The following SCHIP1 variants were observed in gnomAD, a reference collection of about 807,000 sequenced individuals.
The protein encoded by SCHIP1 is schwannomin-interacting protein 1.
A neutral mutation model predicts 29.7 loss-of-function variants in SCHIP1; 8 were observed. The observed-to-expected ratio is 0.27, with a 90% CI of 0.16 to 0.49. The LOEUF (loss-of-function observed/expected upper bound fraction) is 0.49. SCHIP1 is among the 20% of genes least tolerant of loss of function. SCHIP1 has a pLI of 0.99. For synonymous variants in SCHIP1, 76 were observed against 94.9 expected, an observed-to-expected ratio of 0.80 and a Z score of 1.16; for missense variants, 193 against 294.6, an observed-to-expected ratio of 0.66 and a Z score of 2.52.
chr3:159,543,504 T>G, the SCHIP1 span, among the ~76,000 whole-genome samples: 3 of 151,142 alleles, frequency 2.0e-5, no homozygotes, highest in African/African-American at 4.9e-5. Context: ...TACTGAGAAT[T>G]ATGATTTCCA....
chr3:159,797,948 G>T, the SCHIP1 span, among the ~76,000 whole-genome samples: 1 of 152,188 alleles, frequency 6.6e-6, no homozygotes, highest in East Asian at 1.9e-4. Context: ...CTTTGCAAAG[G>T]TTAAAGCAGA....
At chr3:159,885,547 TTC>T (rs1716879231) in intron 2 of SCHIP1, among the ~76,000 whole-genome samples, 1 of 152,102 alleles carries the variant, frequency 6.6e-6, no homozygotes, top group Non-Finnish European at 1.5e-5. Context: ...GTCCCTGAGG[TTC>T]TGTGTGCAGG....
the SCHIP1 span, among the ~76,000 whole-genome samples, chr3:159,604,381 G>A: frequency 6.6e-6 from 1 of 152,142 alleles, no homozygotes; most frequent in Non-Finnish European, 1.5e-5. Flanking sequence ...TTTGGCTCAC[G>A]TCTCCCTCTC....
the SCHIP1 span, among the ~76,000 whole-genome samples, chr3:159,456,203 T>C: frequency 6.6e-6 from 1 of 152,168 alleles, no homozygotes; most frequent in Non-Finnish European, 1.5e-5. Context: ...ATTTGAGTGA[T>C]GTTGCCTTAT....
the SCHIP1 span, among the ~76,000 whole-genome samples, chr3:159,444,616 AT>A: frequency 3.9e-5 from 6 of 152,212 alleles, no homozygotes; most frequent in Admixed American, 3.9e-4. Context: ...GAAAGAACTT[AT>A]AATCTAATAA....
At chr3:159,534,801 A>G in the SCHIP1 span, among the ~76,000 whole-genome samples, 1 of 152,152 alleles carries the variant, frequency 6.6e-6, no homozygotes, top group Non-Finnish European at 1.5e-5. Flanking sequence ...TTTCTTTTCT[A>G]AACCTTGTAT....
At chr3:159,895,179 G>A (rs1016249525) in intron 6 of SCHIP1, among the ~76,000 whole-genome samples, 3 of 152,204 alleles carry the variant, frequency 2.0e-5, no homozygotes, top group African/African-American at 7.2e-5. Flanking sequence ...AAAGGGGACA[G>A]ATTTTTTAAG....
chr3:159,459,272 C>T, the SCHIP1 span, among the ~76,000 whole-genome samples: 1 of 152,010 alleles, frequency 6.6e-6, no homozygotes, highest in Non-Finnish European at 1.5e-5. Context: ...ATGCTGGGAT[C>T]AAAGCTCAGA....
chr3:159,575,577 C>T, the SCHIP1 span, among the ~76,000 whole-genome samples: 27 of 152,030 alleles, frequency 1.8e-4, no homozygotes, highest in East Asian at 1.9e-3. Flanking sequence ...CTGGGACTAC[C>T]GGTGTATGTC....
At chr3:159,735,037 A>G in the SCHIP1 span, among the ~76,000 whole-genome samples, 10 of 152,010 alleles carry the variant, frequency 6.6e-5, no homozygotes, top group African/African-American at 2.2e-4. Flanking sequence ...TTGTGTTCAG[A>G]GACGTGAAGA....
chr3:159,548,118 A>C, the SCHIP1 span, among the ~76,000 whole-genome samples: 1 of 152,116 alleles, frequency 6.6e-6, no homozygotes, highest in South Asian at 2.1e-4. Context: ...TTTATGAGTA[A>C]GTTTGGCCAG....
the SCHIP1 span, among the ~76,000 whole-genome samples, chr3:159,828,389 A>ATATATATGTG: frequency 7.7e-5 from 2 of 25,954 alleles, no homozygotes; most frequent in Admixed American, 5.6e-4. Flanking sequence ...ATATATATAC[A>ATATATATGTG]TATATACGTA....
At chr3:159,711,938 G>A in the SCHIP1 span, among the ~76,000 whole-genome samples, 5 of 151,388 alleles carry the variant, frequency 3.3e-5, no homozygotes, top group Non-Finnish European at 7.4e-5. Context: ...GGATTAGGAA[G>A]ATATTGCTGC....
At chr3:159,461,585 CT>C in the SCHIP1 span, among the ~76,000 whole-genome samples, 1 of 145,338 alleles carries the variant, frequency 6.9e-6, no homozygotes. Context: ...TTTTTTTTTT[CT>C]TTTTTTTGAG....
chr3:159,285,564 T>C, the SCHIP1 span, among the ~76,000 whole-genome samples: 1 of 152,250 alleles, frequency 6.6e-6, no homozygotes, highest in East Asian at 1.9e-4. Flanking sequence ...CTTGTTTTTG[T>C]TTTGTGTTTC....
intron 2 of SCHIP1, among the ~76,000 whole-genome samples, chr3:159,882,335 G>A (rs1716527566): frequency 1.3e-5 from 2 of 152,106 alleles, no homozygotes; most frequent in African/African-American, 4.8e-5. Flanking sequence ...AAAGTGCTGT[G>A]GACAGGGGGA....
At chr3:159,293,157 A>G in the SCHIP1 span, among the ~76,000 whole-genome samples, 1 of 152,222 alleles carries the variant, frequency 6.6e-6, no homozygotes, top group Non-Finnish European at 1.5e-5. Flanking sequence ...CTGTTTTAAT[A>G]TTTGCGTACA....
chr3:159,753,857 C>A, the SCHIP1 span, among the ~76,000 whole-genome samples: 1 of 152,198 alleles, frequency 6.6e-6, no homozygotes, highest in Non-Finnish European at 1.5e-5. Flanking sequence ...ATCCTCAAAA[C>A]CTTTATTCAA....
At chr3:159,324,844 A>G in the SCHIP1 span, among the ~76,000 whole-genome samples, 2 of 152,170 alleles carry the variant, frequency 1.3e-5, no homozygotes, top group Admixed American at 1.3e-4. Context: ...ATATTCAACT[A>G]TGACATCAGA....
Sources: gnomAD v4.1 joint callset for allele counts (sites outside exome capture counted in the v4.1 genomes callset) on GRCh38, gnomAD v4.1.1 for gene constraint, MANE v1.5 for transcripts, NCBI Gene and HGNC (gene_info 2026-07-23, HGNC 2026-07-21) for gene names.